Variants in CC2D2A observed in about 807,000 individuals in gnomAD.
The protein encoded by CC2D2A is coiled-coil and C2 domain-containing protein 2A.
CC2D2A carries 155 observed loss-of-function variants against 212.9 expected under a neutral mutation model. The observed-to-expected ratio is 0.73, with a 90% CI of 0.64 to 0.83. The LOEUF (loss-of-function observed/expected upper bound fraction) is 0.83. Among genes scored for constraint, CC2D2A ranks in the 40% least tolerant of loss-of-function variants. The pLI, the probability that CC2D2A is intolerant of heterozygous loss-of-function variation, is 0.00. For synonymous variants in CC2D2A, 667 were observed against 686.5 expected, an observed-to-expected ratio of 0.97 and a Z score of 0.44; for missense variants, 1,856 against 1,956.2, an observed-to-expected ratio of 0.95 and a Z score of 0.97.
At chr4:15,598,789 G>A (rs760236810) in intron 35 of CC2D2A, among the ~76,000 whole-genome samples, 1 of 152,176 alleles carries the variant, frequency 6.6e-6, no homozygotes, top group Non-Finnish European at 1.5e-5. Flanking sequence ...TTCAACATAA[G>A]CCCTACTTCT....
rs142363293 is a variant in CC2D2A at position 15,545,514 on chromosome 4, T to A, written c.2181+4500T>A. On this transcript the variant is annotated intron_variant, in intron 17 of 36. Coordinates refer to ENST00000424120, the MANE Select transcript of CC2D2A (RefSeq NM_001378615.1). ...CAAAGAATCAATACTCACTGGTGCA[T>A]AGATGTTAACGACCTTTGAAAGGAG... Among the ~76,000 whole-genome samples the A allele has an allele frequency of 1.5e-3, 226 of 152,200 alleles. No homozygotes were observed. The Middle Eastern group carries it at 0.024, about 16-fold the overall frequency.
intron 3 of CC2D2A, 73 bp downstream of exon 3, chr4:15,478,879 C>T (rs183908060): frequency 2.4e-6 from 3 of 1,240,776 alleles, no homozygotes; most frequent in African/African-American, 3.0e-5. Context: ...CAGGGCCATA[C>T]AGAATCCACA....
intron 16 of CC2D2A, 64 bp downstream of exon 16, chr4:15,538,201 GCACA>G: frequency 6.9e-7 from 1 of 1,454,210 alleles, no homozygotes; most frequent in Non-Finnish European, 9.1e-7. Context: ...GTGGGCACAT[GCACA>G]CACACATGCA....
chr4:15,480,027 G>A (rs1183290422), intron 3 of CC2D2A, among the ~76,000 whole-genome samples: 4 of 152,176 alleles, frequency 2.6e-5, no homozygotes, highest in Non-Finnish European at 4.4e-5. Context: ...GTTTAAATAA[G>A]TTCCATCCCG....
chr4:15,474,066 A>C (rs1714007282), intron 1 of CC2D2A, among the ~76,000 whole-genome samples: 1 of 152,140 alleles, frequency 6.6e-6, no homozygotes, highest in African/African-American at 2.4e-5. Flanking sequence ...ATGGTATTTA[A>C]AACCAAGAGA....
chr4:15,492,511 TG>T (rs1331217428), intron 4 of CC2D2A, among the ~76,000 whole-genome samples: 11 of 149,968 alleles, frequency 7.3e-5, no homozygotes, highest in African/African-American at 2.8e-4. Flanking sequence ...TTTGTTTGTT[TG>T]GTTTTTTTTT....
At chr4:15,563,244 G>A (rs1426752168) in intron 23 of CC2D2A, 111 bp from the exon 24 acceptor site, 1 of 1,006,642 alleles carries the variant, frequency 9.9e-7, no homozygotes, top group South Asian at 1.8e-5. Flanking sequence ...AAAGGACAAG[G>A]AGTTTTTCAG....
At chr4:15,594,050 T>C (rs1721218321) in intron 33 of CC2D2A, among the ~76,000 whole-genome samples, 1 of 152,046 alleles carries the variant, frequency 6.6e-6, no homozygotes, top group Admixed American at 6.6e-5. Context: ...CCCCTTCCTC[T>C]GATAATGTCA....
chr4:15,532,600 T>A (rs892787873), intron 13 of CC2D2A, among the ~76,000 whole-genome samples: 1 of 152,228 alleles, frequency 6.6e-6, no homozygotes, highest in Non-Finnish European at 1.5e-5. Flanking sequence ...AGTAATTGTC[T>A]CATTATGCAA....
intron 24 of CC2D2A, among the ~76,000 whole-genome samples, chr4:15,564,840 G>A (rs772746451): frequency 6.6e-5 from 10 of 151,962 alleles, no homozygotes; most frequent in Non-Finnish European, 1.3e-4. Flanking sequence ...ACCACGCGAG[G>A]CTAATTTTTT....
At chr4:15,549,786 G>A (rs902702834) in intron 17 of CC2D2A, among the ~76,000 whole-genome samples, 5 of 152,252 alleles carry the variant, frequency 3.3e-5, no homozygotes, top group Non-Finnish European at 5.9e-5. Flanking sequence ...CTAGGTGACA[G>A]GGCGAGACTC....
chr4:15,477,301 CAA>C (rs368935605), intron 2 of CC2D2A, among the ~76,000 whole-genome samples: 10 of 86,728 alleles, frequency 1.2e-4, no homozygotes, highest in Admixed American at 1.3e-4. Context: ...GACTCCATCT[CAA>C]AAAAAAAAAA....
At chr4:15,538,442 G>C (rs1718254533) in intron 16 of CC2D2A, among the ~76,000 whole-genome samples, 1 of 152,194 alleles carries the variant, frequency 6.6e-6, no homozygotes, top group African/African-American at 2.4e-5. Context: ...TCTTCACAGT[G>C]GCTGTCTGTG....
At chr4:15,490,785 C>T (rs1424076357) in intron 4 of CC2D2A, among the ~76,000 whole-genome samples, 1 of 152,104 alleles carries the variant, frequency 6.6e-6, no homozygotes, top group Admixed American at 6.5e-5. Flanking sequence ...AGCCTGGCGC[C>T]ACACCCTGGG....
chr4:15,597,581 C>A, intron 35 of CC2D2A, 116 bp downstream of exon 35: 1 of 802,054 alleles, frequency 1.2e-6, no homozygotes, highest in Non-Finnish European at 2.1e-6. Context: ...AACTTTAATT[C>A]ATGTTTATAG....
intron 30 of CC2D2A, among the ~76,000 whole-genome samples, chr4:15,585,421 T>C (rs1435322219): frequency 6.6e-6 from 1 of 152,112 alleles, no homozygotes; most frequent in Non-Finnish European, 1.5e-5. Flanking sequence ...ATCTCATGCA[T>C]ATGTGGAAAC....
rs746210662 is a variant in CC2D2A at position 15,514,729 on chromosome 4, G to T, written c.740G>T (p.Gly247Val). The T allele has an allele frequency of 6.3e-7, 1 of 1,596,946 alleles. No homozygotes were observed. Among genetic ancestry groups the T allele is most frequent in the South Asian group, 1.1e-5 (1 of 89,094 alleles). ...KEMDEEELLN[G>V]DDAEDFLLGL... is the part of the protein sequence containing the mutation. The stretch of plus-strand genomic sequence containing the variant: ...CAGGATGAGGAAGAACTGCTTAATG[G>T]TGATGATGCCGAGGACTTCCTATTG... Residue 247 changes from glycine (G) to valine (V), a missense_variant, in exon 9 of 37, where the codon GGT becomes GTT. Around this residue, in one of 5 missense-constraint regions of CC2D2A, gnomAD observed 1,512 missense variants for 1,579.3 expected, o/e 0.96. Coordinates refer to ENST00000424120, the MANE Select transcript of CC2D2A (RefSeq NM_001378615.1).
intron 11 of CC2D2A, among the ~76,000 whole-genome samples, chr4:15,518,930 G>C (rs1717041457): frequency 6.6e-6 from 1 of 152,206 alleles, no homozygotes; most frequent in South Asian, 2.1e-4. Flanking sequence ...GGGATGCTTT[G>C]AAGACCTCTG....
At chr4:15,507,804 C>G (rs578159003) in intron 6 of CC2D2A, among the ~76,000 whole-genome samples, 45 of 152,320 alleles carry the variant, frequency 3.0e-4, no homozygotes, top group African/African-American at 1.0e-3. Context: ...GCCCGCAGAG[C>G]AGACAATGGT....
Sources: allele counts gnomAD v4.1 joint callset (sites outside exome capture counted in the v4.1 genomes callset), GRCh38; gene constraint gnomAD v4.1.1; regional missense constraint gnomAD v4.1.1; transcripts MANE v1.5; gene names NCBI Gene and HGNC (gene_info 2026-07-23, HGNC 2026-07-21).